Variants in DNAH17 observed in about 807,000 individuals in gnomAD.
DNAH17 encodes dynein axonemal heavy chain 17.
DNAH17 carries 376 observed loss-of-function variants against 485.6 expected under a neutral mutation model. The observed-to-expected ratio is 0.77, with a 90% CI of 0.71 to 0.84. The LOEUF (loss-of-function observed/expected upper bound fraction) is 0.84. DNAH17 is among the 40% of genes least tolerant of loss of function. The pLI is 0.00. For synonymous variants in DNAH17, 3,031 were observed against 2,405.9 expected (o/e 1.26, Z -7.60); for missense variants, 6,370 against 5,839.3 (o/e 1.09, Z -2.96).
intron 58 of DNAH17, among the ~76,000 whole-genome samples, chr17:78,460,491 G>A (rs1225731349): frequency 1.3e-5 from 2 of 152,236 alleles, no homozygotes; most frequent in South Asian, 2.1e-4. Context: ...GCCCCAGCAG[G>A]TCTGAGCTCC....
rs752728458 is a variant in DNAH17, at chr17:78,459,034, T to C, written c.9828A>G (p.Gln3276=). The C allele has an allele frequency of 4.3e-5, 70 of 1,613,934 alleles. No individual in the cohort carries two copies. Among genetic ancestry groups the C allele is most frequent in the Non-Finnish European group, 5.7e-5 (67 of 1,179,910 alleles). ...TGTTTTTGATCCGGGACAGCTTCTC[T>C]TGTGCCTCTGCCAGCTCTGCATTAG... ...EEANAELAEA[Q]EKLSRIKNKI... The change falls in exon 61 of 81, where the codon CAA becomes CAG. Residue 3276 remains glutamine, a synonymous_variant. Coordinates refer to ENST00000389840, the MANE Select transcript of DNAH17 (RefSeq NM_173628.4).
Position 78,530,371 on chromosome 17 carries a change from G to C in DNAH17, c.3256C>G (p.Arg1086Gly). The stretch of plus-strand genomic sequence containing the variant: ...TTGGTGACGTGGTTGCTCAGGTGCC[G>C]CTTGAACATGAAGCCCCAGCGCCGG... ...TIRRWGFMFK[R>G]HLSNHVTNSL... Residue 1086 changes from arginine (R) to glycine (G), a missense_variant, in exon 21 of 81, where the codon CGG (arginine) becomes GGG (glycine). Coordinates refer to ENST00000389840, the MANE Select transcript of DNAH17 (RefSeq NM_173628.4). The C allele has an allele frequency of 6.2e-7, 1 of 1,611,882 alleles. No individual in the cohort carries two copies. The highest frequency in any genetic ancestry group is 1.3e-5 in the African/African-American group (1 of 75,018).
chr17:78,523,511 T>C (rs1394567172), intron 25 of DNAH17, among the ~76,000 whole-genome samples: 1 of 151,758 alleles, frequency 6.6e-6, no homozygotes, highest in Non-Finnish European at 1.5e-5. Flanking sequence ...AATAACTGGA[T>C]TAAAAAAACT....
chr17:78,524,638 G>A (rs2091016647), intron 25 of DNAH17, among the ~76,000 whole-genome samples: 1 of 152,056 alleles, frequency 6.6e-6, no homozygotes. Context: ...GAGCCACTGA[G>A]TTTATGGGAT....
Position 78,514,856 on chromosome 17 carries a change from A to G in DNAH17, c.4031T>C (p.Ile1344Thr). The G allele has an allele frequency of 6.2e-7, 1 of 1,614,012 alleles. No individual in the cohort carries two copies. The highest frequency in any genetic ancestry group is 8.5e-7 in the Non-Finnish European group (1 of 1,179,894). Residue 1344 changes from isoleucine to threonine, a missense_variant, in exon 26 of 81, where the codon ATC becomes ACC. Physicochemically the swap from Ile to Thr is moderately conservative, Grantham distance 89. Transcript: ENST00000389840. ...VGLDNTVKNV[I>T]TSLRAVSELQ... The stretch of plus-strand genomic sequence containing the variant: ...CTCGCTCACGGCACGCAGGGACGTG[A>G]TCACGTTTTTCACGGTGTTGTCGAG...
At chr17:78,512,930 G>T (rs957432913) in intron 26 of DNAH17, among the ~76,000 whole-genome samples, 5 of 113,558 alleles carry the variant, frequency 4.4e-5, no homozygotes, top group Non-Finnish European at 8.4e-5. Flanking sequence ...AACAGAGAGA[G>T]ACTCTAACTC....
At chr17:78,499,263 G>C (rs2090187017) in intron 36 of DNAH17, 151 bp from the exon 37 acceptor site, 1 of 546,502 alleles carries the variant, frequency 1.8e-6, no homozygotes. Flanking sequence ...AGGCCAGCAG[G>C]CAGGTCAGCT....
At chr17:78,571,885 C>T in intron 3 of DNAH17, 103 bp from the exon 4 acceptor site, 3 of 1,152,694 alleles carry the variant, frequency 2.6e-6, no homozygotes, top group Non-Finnish European at 3.7e-6. Flanking sequence ...AAACCACCAG[C>T]AGCAGCACCG....
rs748506817 is a variant in DNAH17 at position 78,485,805 on chromosome 17, C to G, written c.7276-48G>C. On this transcript the variant is annotated intron_variant, in intron 46 of 80. Coordinates refer to ENST00000389840, the MANE Select transcript of DNAH17 (RefSeq NM_173628.4). Reference sequence around the variant, plus strand: ...AGGGAGCTGTGATTCTCAGACACTTCTGCCTCTCGTGGGTGTGCAGGCCAT... The same window carrying G: ...AGGGAGCTGTGATTCTCAGACACTTGTGCCTCTCGTGGGTGTGCAGGCCAT... 3.8e-6 allele frequency: 6 copies of G among 1,598,070 alleles called. No homozygotes were observed. The African/African-American group carries it at 8.0e-5, about 21-fold the overall frequency.
At position 78,450,961 on chromosome 17, in the gene DNAH17, C is replaced by A; in HGVS notation, c.10735-115G>T. 5 of 1,338,818 alleles carry A rather than the reference C, an allele frequency of 3.7e-6. No individual in the cohort carries two copies. In the South Asian group the frequency reaches 4.0e-5, roughly 11 times the overall value. 82.9% of individuals were successfully genotyped at this position (1,338,818 alleles called of 1,614,324 possible). ...AGGCCCAGGCTTTGAGCGGGAGGAA[C>A]GAGCTCAGGTCCTGGAAGGGGCTGC... On this transcript the variant is annotated intron_variant, in intron 66 of 80. Coordinates refer to ENST00000389840, the MANE Select transcript of DNAH17 (RefSeq NM_173628.4).
chr17:78,576,710 C>CCT (rs2092437792), intron 1 of DNAH17, among the ~76,000 whole-genome samples: 2 of 152,152 alleles, frequency 1.3e-5, no homozygotes, highest in Non-Finnish European at 2.9e-5. Flanking sequence ...AGGGAAACAT[C>CCT]CTCTGGTTTA....
rs1384954626 is a variant in DNAH17, at chr17:78,453,413, C to A, written c.10459G>T (p.Glu3487Ter). The change falls in exon 65 of 81, where the codon GAG (glutamate) becomes TAG (stop). Residue 3487 changes from glutamate to a stop codon, truncating the protein, a stop_gained. Transcript: ENST00000389840. LOFTEE classifies it high-confidence loss of function. ...AISEGDTLLI[E>*]NIGETVDPVL... ...GGGTCCACGGTTTCGCCGATGTTCT[C>A]AATGAGCAAGGTGTCCCCTTCCGAG... The A allele has an allele frequency of 6.2e-7, 1 of 1,613,946 alleles. No individual in the cohort carries two copies. Among genetic ancestry groups the A allele is most frequent in the Admixed American group, 1.7e-5 (1 of 60,020 alleles).
chr17:78,556,919 A>G (rs1432161152), intron 14 of DNAH17, among the ~76,000 whole-genome samples: 1 of 152,246 alleles, frequency 6.6e-6, no homozygotes, highest in Non-Finnish European at 1.5e-5. Context: ...CAGAGAAAAC[A>G]GAACACGTAT....
At chr17:78,465,431 G>A (rs745484584) in intron 56 of DNAH17, among the ~76,000 whole-genome samples, 137 of 141,388 alleles carry the variant, frequency 9.7e-4, no homozygotes, top group Non-Finnish European at 1.5e-3. Flanking sequence ...TGGCTGCCCA[G>A]TCTGGAAAGT....
rs780211636 is a variant in DNAH17, at chr17:78,451,605, T to C, written c.10598A>G (p.Tyr3533Cys). ...CTCTGGCTTGTAGTGTGGGTTGAAG[T>C]ACTTGGTGTGTAGGATCAGGCGGAA... ...PKFRLILHTK[Y>C]FNPHYKPEMQ... Residue 3533 changes from tyrosine (Y) to cysteine (C), a missense_variant, in exon 66 of 81, where the codon TAC (tyrosine) becomes TGC (cysteine). Transcript: ENST00000389840. 2.5e-6 allele frequency: 4 copies of C among 1,610,404 alleles called. No individual in the cohort carries two copies. Among genetic ancestry groups the C allele is most frequent in the East Asian group, 4.5e-5 (2 of 44,628 alleles).
chr17:78,479,577 A>G lies in DNAH17; in HGVS notation c.7808T>C (p.Ile2603Thr). 6.2e-7 allele frequency: 1 copy of G among 1,613,616 alleles called. No individual in the cohort carries two copies. The part of the protein sequence containing the change: ...SFPGQEALTT[I>T]YNTILTQHLA... The stretch of plus-strand genomic sequence containing the variant: ...GTGCTGCGTCAGGATTGTGTTGTAG[A>G]TGGTGGTGAGGGCCTCCTGGCCGGG... The change falls in exon 50 of 81, where the codon ATC (isoleucine) becomes ACC (threonine). Residue 2603 changes from isoleucine to threonine, a missense_variant. Physicochemically the swap from Ile to Thr is moderately conservative, Grantham distance 89. Transcript: ENST00000389840.
intron 26 of DNAH17, chr17:78,510,775 C>T (rs1598616974): frequency 2.5e-6 from 1 of 403,828 alleles, no homozygotes; most frequent in East Asian, 4.1e-5. Flanking sequence ...TTCACATCCG[C>T]CCAGAACCTT....
At chr17:78,492,789 C>T (rs372203245) in intron 41 of DNAH17, 24 bp from the exon 42 acceptor site, 110 of 1,601,382 alleles carry the variant, frequency 6.9e-5, no homozygotes, top group Non-Finnish European at 8.2e-5. Flanking sequence ...GGGTCACTCA[C>T]GTGTGACTCC....
rs184633700 is a variant in DNAH17 at position 78,487,633 on chromosome 17, T to C, written c.6819-1127A>G. ...TCTGCCTCCTGGGTTCAAGCAATTC[T>C]CCTGTTTCGGCCTTCCAAGTAGCTG... On this transcript the variant is annotated intron_variant, in intron 44 of 80. Transcript: ENST00000389840. 4.6e-5 allele frequency among the ~76,000 whole-genome samples: 7 copies of C among 152,294 alleles called. 1 individual carries two copies. Among genetic ancestry groups the C allele is most frequent in the Non-Finnish European group, 7.4e-5 (5 of 68,020 alleles).
Sources: allele counts gnomAD v4.1 joint callset (sites outside exome capture counted in the v4.1 genomes callset), GRCh38; gene constraint gnomAD v4.1.1; transcripts MANE v1.5; gene names NCBI Gene and HGNC (gene_info 2026-07-23, HGNC 2026-07-21).